The following MAGI1 variants were observed in gnomAD, a reference collection of about 807,000 sequenced individuals.
MAGI1 encodes membrane-associated guanylate kinase, WW and PDZ domain-containing protein 1.
A neutral mutation model predicts 139.9 loss-of-function variants in MAGI1; 58 were observed. The observed-to-expected ratio is 0.41, with a 90% CI of 0.34 to 0.52. The LOEUF is 0.52. Ranked by LOEUF, MAGI1 falls within the 20% of genes least tolerant of loss-of-function variation. The pLI is 0.12. For synonymous variants in MAGI1, 812 were observed against 737.9 expected (o/e 1.10, Z -1.63); for missense variants, 1,874 against 1,901.6 (o/e 0.99, Z 0.27).
chr3:65,961,436 C>A (rs1200302451), intron 1 of MAGI1, among the ~76,000 whole-genome samples: 1 of 152,144 alleles, frequency 6.6e-6, no homozygotes, highest in East Asian at 1.9e-4. Context: ...CTGAACTGTA[C>A]ACTGTTAACT....
intron 6 of MAGI1, among the ~76,000 whole-genome samples, chr3:65,451,487 C>G (rs1218596857): frequency 6.6e-6 from 1 of 152,156 alleles, no homozygotes; most frequent in Admixed American, 6.6e-5. Flanking sequence ...AAAAGGGTTT[C>G]AGATTTTGCA....
intron 1 of MAGI1, among the ~76,000 whole-genome samples, chr3:65,779,576 T>C (rs1298365517): frequency 6.6e-6 from 1 of 152,218 alleles, no homozygotes; most frequent in Admixed American, 6.5e-5. Flanking sequence ...AATTGCACAA[T>C]CGCTTGACAG....
chr3:65,574,602 A>G lies in MAGI1; in HGVS notation c.430+47370T>C, dbSNP rs116645354. ...TACCATACGTTTTGTCAAAATGGACAAAGTGATTCTAAAATTTACATGGAA... is the reference window on the plus strand; with the variant it reads ...TACCATACGTTTTGTCAAAATGGACGAAGTGATTCTAAAATTTACATGGAA... On this transcript the variant is annotated intron_variant, in intron 2 of 22. Coordinates refer to ENST00000402939, the MANE Select transcript of MAGI1 (RefSeq NM_001033057.2). Among the ~76,000 whole-genome samples, 1,118 of 152,138 alleles carry G rather than the reference A, an allele frequency of 7.3e-3. 17 individuals are homozygous for G. The highest frequency in any genetic ancestry group is 0.026 in the African/African-American group (1,074 of 41,524).
At chr3:65,960,571 T>C (rs1180155525) in intron 1 of MAGI1, among the ~76,000 whole-genome samples, 1 of 152,226 alleles carries the variant, frequency 6.6e-6, no homozygotes, top group African/African-American at 2.4e-5. Flanking sequence ...GTCTGTCCTA[T>C]GTAAGGACAC....
At chr3:65,842,292 A>G (rs2058834036) in intron 1 of MAGI1, among the ~76,000 whole-genome samples, 1 of 152,182 alleles carries the variant, frequency 6.6e-6, no homozygotes, top group Admixed American at 6.5e-5. Flanking sequence ...TTAATCAAGT[A>G]AAGGAATTCA....
chr3:65,447,788 C>T (rs1442581757), intron 7 of MAGI1, among the ~76,000 whole-genome samples: 3 of 152,188 alleles, frequency 2.0e-5, no homozygotes, highest in Non-Finnish European at 2.9e-5. Flanking sequence ...TCGTTCTAGT[C>T]TCTGTTCAGT....
intron 1 of MAGI1, among the ~76,000 whole-genome samples, chr3:65,791,178 C>T (rs1335428389): frequency 2.6e-5 from 4 of 152,204 alleles, no homozygotes; most frequent in African/African-American, 9.7e-5. Flanking sequence ...TCCATGCCTC[C>T]ATTACTGCCA....
At chr3:65,978,769 A>C (rs904593982) in intron 1 of MAGI1, among the ~76,000 whole-genome samples, 2 of 152,044 alleles carry the variant, frequency 1.3e-5, no homozygotes, top group African/African-American at 2.4e-5. Context: ...CTGGGATTAC[A>C]GGCATGCGCC....
chr3:65,621,616 A>C (rs983270254), intron 2 of MAGI1, among the ~76,000 whole-genome samples: 1 of 152,174 alleles, frequency 6.6e-6, no homozygotes, highest in South Asian at 2.1e-4. Context: ...AAATGTTAAC[A>C]TTTATGGAGG....
chr3:65,700,784 A>G (rs1037138112), intron 1 of MAGI1, among the ~76,000 whole-genome samples: 2 of 152,200 alleles, frequency 1.3e-5, no homozygotes, highest in African/African-American at 2.4e-5. Context: ...ACATCCAAAA[A>G]TTTCACCAAA....
chr3:65,574,803 T>A (rs2081106489), intron 2 of MAGI1, among the ~76,000 whole-genome samples: 1 of 151,988 alleles, frequency 6.6e-6, no homozygotes, highest in South Asian at 2.1e-4. Context: ...AAATAAGCCC[T>A]CACATATATG....
At chr3:65,379,201 G>C in intron 17 of MAGI1, 60 bp downstream of exon 17, 1 of 1,604,514 alleles carries the variant, frequency 6.2e-7, no homozygotes, top group Non-Finnish European at 8.5e-7. Flanking sequence ...TCACTCGCAA[G>C]AGAACAAAAA....
chr3:65,641,034 C>T (rs1372762437), intron 1 of MAGI1, among the ~76,000 whole-genome samples: 1 of 151,970 alleles, frequency 6.6e-6, no homozygotes, highest in Non-Finnish European at 1.5e-5. Flanking sequence ...TTGCAATGCC[C>T]TTTGAGACCA....
chr3:65,440,730 G>A (rs1948229948), intron 8 of MAGI1, among the ~76,000 whole-genome samples: 1 of 151,966 alleles, frequency 6.6e-6, no homozygotes, highest in African/African-American at 2.4e-5. Flanking sequence ...AAGTAGATGT[G>A]ATGTGCTCAA....
At chr3:65,495,827 A>T (rs1952392070) in intron 2 of MAGI1, among the ~76,000 whole-genome samples, 1 of 152,096 alleles carries the variant, frequency 6.6e-6, no homozygotes, top group South Asian at 2.1e-4. Flanking sequence ...GGCAGAGGGA[A>T]GGGAAAAGGC....
chr3:65,771,124 T>C (rs1013843721), intron 1 of MAGI1, among the ~76,000 whole-genome samples: 2 of 151,752 alleles, frequency 1.3e-5, no homozygotes, highest in African/African-American at 2.4e-5. Flanking sequence ...CTGGCCAACA[T>C]AGCGAAACCC....
intron 1 of MAGI1, among the ~76,000 whole-genome samples, chr3:65,786,240 G>A (rs1399513218): frequency 7.3e-6 from 1 of 136,352 alleles, no homozygotes; most frequent in Non-Finnish European, 1.5e-5. Flanking sequence ...ACCACGCCCA[G>A]CCAATCATAA....
At chr3:65,996,625 G>GCTCGCTTCACTCCTTTCCA (rs1341605067) in intron 1 of MAGI1, among the ~76,000 whole-genome samples, 4 of 150,086 alleles carry the variant, frequency 2.7e-5, no homozygotes, top group Non-Finnish European at 5.9e-5. Context: ...TCAGACTTCC[G>GCTCGCTTCACTCCTTTCCA]CTCGCTTCAC....
intron 1 of MAGI1, among the ~76,000 whole-genome samples, chr3:65,733,194 G>A (rs1396781368): frequency 6.6e-6 from 1 of 152,122 alleles, no homozygotes; most frequent in Non-Finnish European, 1.5e-5. Flanking sequence ...GAGTAGCTGG[G>A]ATCACAGGCA....
Sources: allele counts gnomAD v4.1 joint callset (sites outside exome capture counted in the v4.1 genomes callset), GRCh38; gene constraint gnomAD v4.1.1; transcripts MANE v1.5; gene names NCBI Gene and HGNC (gene_info 2026-07-23, HGNC 2026-07-21).